CPE: variants seen among roughly 807,000 people sequenced by gnomAD.
CPE encodes carboxypeptidase E.
A neutral mutation model predicts 53.5 loss-of-function variants in CPE; 17 were observed. That is an observed-to-expected ratio of 0.32 (90% CI 0.22 to 0.48). The LOEUF (loss-of-function observed/expected upper bound fraction) is 0.48. Ranked by LOEUF, CPE falls within the 20% of genes least tolerant of loss-of-function variation. The pLI, the probability that CPE is intolerant of heterozygous loss-of-function variation, is 0.99. For synonymous variants in CPE, 226 were observed against 228.8 expected, an observed-to-expected ratio of 0.99 and a Z score of 0.11; for missense variants, 524 against 614.7, an observed-to-expected ratio of 0.85 and a Z score of 1.56.
intron 1 of CPE, among the ~76,000 whole-genome samples, chr4:165,381,073 A>G (rs1368867586): frequency 2.0e-5 from 3 of 152,212 alleles, no homozygotes; most frequent in Non-Finnish European, 4.4e-5. Context: ...TCTATTTTGT[A>G]GATTGATCCC....
chr4:165,445,735 C>A (rs1394370727), intron 1 of CPE, among the ~76,000 whole-genome samples: 1 of 151,936 alleles, frequency 6.6e-6, no homozygotes, highest in Non-Finnish European at 1.5e-5. Context: ...AAAATTCCAA[C>A]CAGAATTTTA....
chr4:165,390,037 A>G (rs1011396950), intron 1 of CPE, among the ~76,000 whole-genome samples: 1 of 152,190 alleles, frequency 6.6e-6, no homozygotes, highest in African/African-American at 2.4e-5. Flanking sequence ...AGATCTAGTT[A>G]TACACACTTT....
chr4:165,436,598 T>C (rs1731505718), intron 1 of CPE, among the ~76,000 whole-genome samples: 1 of 152,234 alleles, frequency 6.6e-6, no homozygotes, highest in African/African-American at 2.4e-5. Flanking sequence ...ACACTGCAGT[T>C]TGCTGAACCA....
intron 1 of CPE, among the ~76,000 whole-genome samples, chr4:165,390,985 A>G (rs938512452): frequency 1.3e-5 from 2 of 152,162 alleles, no homozygotes; most frequent in African/African-American, 4.8e-5. Flanking sequence ...AGATTACTGG[A>G]TAGATGAGAG....
At chr4:165,489,280 AT>A (rs1732559939) in intron 6 of CPE, among the ~76,000 whole-genome samples, 1 of 151,948 alleles carries the variant, frequency 6.6e-6, no homozygotes, top group Non-Finnish European at 1.5e-5. Flanking sequence ...ATATTTAATA[AT>A]CTTTAAATGT....
intron 3 of CPE, among the ~76,000 whole-genome samples, chr4:165,473,918 C>T (rs1211034957): frequency 1.3e-5 from 2 of 152,188 alleles, no homozygotes; most frequent in Non-Finnish European, 2.9e-5. Context: ...CAGCTCAAGG[C>T]CATTAGGCAT....
At chr4:165,496,338 A>G (rs1301123990) in intron 8 of CPE, among the ~76,000 whole-genome samples, 2 of 152,206 alleles carry the variant, frequency 1.3e-5, no homozygotes, top group Non-Finnish European at 2.9e-5. Flanking sequence ...TGCTTGATTT[A>G]TGCAAACAAA....
intron 1 of CPE, among the ~76,000 whole-genome samples, chr4:165,440,544 G>A (rs1301887513): frequency 6.7e-6 from 1 of 150,164 alleles, no homozygotes; most frequent in East Asian, 2.0e-4. Context: ...TGATTCATAT[G>A]CACACCATGG....
In CPE at chr4:165,379,544, C is replaced by A; in HGVS notation, c.307+16C>A. On this transcript the variant is annotated intron_variant, in intron 1 of 8. Coordinates refer to ENST00000402744, the MANE Select transcript of CPE (RefSeq NM_001873.4). The surrounding 1 kb of genome is among the most constrained non-coding windows in gnomAD (Gnocchi z 6.0). ...CATGAGCCTGGTAAGGGCGCTGCCC[C>A]CTGACAGCCCTGGGGGCATCCCGGA... 2 of 1,540,166 alleles carry A rather than the reference C, an allele frequency of 1.3e-6. No individual in the cohort carries two copies. The highest frequency in any genetic ancestry group is 1.8e-6 in the Non-Finnish European group (2 of 1,135,886).
chr4:165,452,490 C>T (rs1731829939), intron 1 of CPE, among the ~76,000 whole-genome samples: 1 of 151,654 alleles, frequency 6.6e-6, no homozygotes, highest in African/African-American at 2.4e-5. Context: ...TTTATTGTGA[C>T]TCTTATTTCT....
intron 1 of CPE, among the ~76,000 whole-genome samples, chr4:165,415,723 G>A (rs951336992): frequency 2.6e-5 from 4 of 151,380 alleles, no homozygotes; most frequent in African/African-American, 9.7e-5. Context: ...GCATATATTT[G>A]TTTGTCTAGT....
At chr4:165,431,544 C>T (rs1731408996) in intron 1 of CPE, among the ~76,000 whole-genome samples, 1 of 152,158 alleles carries the variant, frequency 6.6e-6, no homozygotes, top group Non-Finnish European at 1.5e-5. Flanking sequence ...AGTAAGGACA[C>T]ATAGTTAATA....
intron 1 of CPE, among the ~76,000 whole-genome samples, chr4:165,433,373 A>G (rs1429406596): frequency 1.3e-5 from 2 of 152,042 alleles, no homozygotes; most frequent in Middle Eastern, 6.3e-3. Flanking sequence ...CTCCATTTTG[A>G]TTTTTAGCCT....
chr4:165,484,400 A>G (rs770212500), intron 4 of CPE, 22 bp from the exon 5 acceptor site: 2 of 1,607,780 alleles, frequency 1.2e-6, no homozygotes, highest in South Asian at 2.2e-5. Context: ...TGTTTCTTTA[A>G]TCTTGTGGAT....
rs1237045407 is a variant in CPE at position 165,464,464 on chromosome 4, G to A, written c.382G>A (p.Ala128Thr). Reference protein sequence around the residue: ...AVGRELLIFLAQYLCNEYQKG... With the variant: ...AVGRELLIFLTQYLCNEYQKG... ...TGGACGAGAACTGCTCATTTTCTTG[G>A]CCCAGTACCTATGCAACGAATACCA... Residue 128 changes from alanine (A) to threonine (T), a missense_variant, in exon 2 of 9, where the codon GCC becomes ACC. Coordinates refer to ENST00000402744, the MANE Select transcript of CPE (RefSeq NM_001873.4). The A allele has an allele frequency of 6.2e-7, 1 of 1,613,852 alleles. No homozygotes were observed. Among genetic ancestry groups the A allele is most frequent in the Admixed American group, 1.7e-5 (1 of 59,978 alleles).
At chr4:165,437,435 T>C (rs901805374) in intron 1 of CPE, among the ~76,000 whole-genome samples, 1 of 152,138 alleles carries the variant, frequency 6.6e-6, no homozygotes. Flanking sequence ...TATCTGCAAC[T>C]GAGTTTCTTG....
Position 165,379,292 on chromosome 4 carries a change from G to GCTT in CPE, c.72_73insTTC (p.Gly24_Ala25insPhe). Reference sequence around the variant, plus strand: ...CTGGCTGCCTGCGGGTGGCTCCTGGGCGCCGAAGCCCAGGAGCCCGGGGCG... The same window carrying GCTT: ...CTGGCTGCCTGCGGGTGGCTCCTGGGCTTCGCCGAAGCCCAGGAGCCCGGGGCG... On this transcript the variant is annotated inframe_insertion, in exon 1 of 9. Coordinates refer to ENST00000402744, the MANE Select transcript of CPE (RefSeq NM_001873.4). The surrounding 1 kb of genome is among the most constrained non-coding windows in gnomAD (Gnocchi z 6.0). 6.6e-7 allele frequency: 1 copy of GCTT among 1,510,094 alleles called. No homozygotes were observed. The highest frequency in any genetic ancestry group is 1.2e-5 in the South Asian group (1 of 80,996). The allele number at this position is 1,510,094 out of a possible 1,614,324, so 93.5% of individuals were successfully genotyped here. A position where few individuals can be genotyped will look rare whatever the true frequency, so the allele number is the denominator to read the frequency against.
At chr4:165,424,470 GT>G (rs1731283025) in intron 1 of CPE, among the ~76,000 whole-genome samples, 1 of 151,436 alleles carries the variant, frequency 6.6e-6, no homozygotes, top group Non-Finnish European at 1.5e-5. Flanking sequence ...TTTTATTACT[GT>G]TTGCTTTCTA....
chr4:165,442,387 G>A (rs780139372), intron 1 of CPE, among the ~76,000 whole-genome samples: 1 of 152,016 alleles, frequency 6.6e-6, no homozygotes, highest in East Asian at 1.9e-4. Context: ...ACAGCAGCTC[G>A]TGCTAGTGTA....
Sources: allele counts gnomAD v4.1 joint callset (sites outside exome capture counted in the v4.1 genomes callset), GRCh38; gene constraint gnomAD v4.1.1; non-coding constraint Gnocchi (gnomAD v3.1); transcripts MANE v1.5; gene names NCBI Gene and HGNC (gene_info 2026-07-23, HGNC 2026-07-21).